CACNA2D1: variants seen among roughly 807,000 people sequenced by gnomAD.
CACNA2D1 encodes calcium voltage-gated channel auxiliary subunit alpha2delta 1.
A neutral mutation model predicts 171.5 loss-of-function variants in CACNA2D1; 53 were observed. The ratio of observed to expected loss-of-function variants is 0.31; its 90% CI spans 0.25 to 0.39. The LOEUF (loss-of-function observed/expected upper bound fraction) is 0.39. Ranked by LOEUF, CACNA2D1 falls within the 10% of genes least tolerant of loss-of-function variation. CACNA2D1 has a pLI of 1.00. For missense variants in CACNA2D1, 903 were observed against 1,299.8 expected (o/e 0.69, Z 4.69); for synonymous variants, 442 against 443.1 (o/e 1.00, Z 0.03).
intron 3 of CACNA2D1, among the ~76,000 whole-genome samples, chr7:82,199,795 A>G (rs1004868475): frequency 6.6e-6 from 1 of 152,112 alleles, no homozygotes; most frequent in Non-Finnish European, 1.5e-5. Context: ...ACTGCTATTT[A>G]TAATACCAAA....
chr7:82,055,034 AT>A (rs1407819712), intron 10 of CACNA2D1, among the ~76,000 whole-genome samples: 3 of 152,194 alleles, frequency 2.0e-5, no homozygotes, highest in African/African-American at 7.2e-5. Context: ...CTCATTTCCC[AT>A]TTTGGGAAGG....
chr7:82,437,867 T>C (rs749941323), intron 1 of CACNA2D1, among the ~76,000 whole-genome samples: 37 of 152,142 alleles, frequency 2.4e-4, no homozygotes, highest in Non-Finnish European at 3.4e-4. Flanking sequence ...CCTGTGCACA[T>C]TTGCCTTCAT....
At chr7:82,429,003 G>A (rs893579468) in intron 1 of CACNA2D1, among the ~76,000 whole-genome samples, 1 of 152,186 alleles carries the variant, frequency 6.6e-6, no homozygotes, top group Non-Finnish European at 1.5e-5. Context: ...ATGTGAAAGA[G>A]TAGGATCACA....
intron 12 of CACNA2D1, among the ~76,000 whole-genome samples, chr7:82,019,368 T>C (rs531790985): frequency 1.3e-5 from 2 of 152,296 alleles, no homozygotes; most frequent in East Asian, 3.9e-4. Context: ...GGCTTTTTCA[T>C]AGTTATAAAC....
rs1174956141 is a variant in CACNA2D1, at chr7:81,983,241, T to C, written c.1894+73A>G. The C allele has an allele frequency of 3.2e-6, 4 of 1,266,724 alleles. No homozygotes were observed. The East Asian group carries it at 7.0e-5, about 22-fold the overall frequency. 78.5% of individuals were successfully genotyped at this position (1,266,724 alleles called of 1,614,324 possible). A position where few individuals can be genotyped will look rare whatever the true frequency, so the allele number is the denominator to read the frequency against. ...GAGAAGCACAGAGGATAATATCCAA[T>C]AGGAAGGAAAATATCAGTGGAAATG... On this transcript the variant is annotated intron_variant, in intron 23 of 38. Coordinates refer to ENST00000356860, the MANE Select transcript of CACNA2D1 (RefSeq NM_000722.4).
Position 82,006,581 on chromosome 7 carries a change from T to G in CACNA2D1, c.1441-742A>C, listed in dbSNP as rs1018710296. 2.7e-4 allele frequency among the ~76,000 whole-genome samples: 41 copies of G among 152,244 alleles called. 1 individual carries two copies. Among genetic ancestry groups the G allele is most frequent in the African/African-American group, 9.6e-4 (40 of 41,578 alleles). ...AAAATCTAGTAATTACAAAAACATT[T>G]AAACCTTGTGTAGGCACAGATAGAG... On this transcript the variant is annotated intron_variant, in intron 16 of 38. Transcript: ENST00000356860.
intron 2 of CACNA2D1, chr7:82,342,944 C>T (rs1265415563): frequency 1.3e-5 from 2 of 152,160 alleles, no homozygotes; most frequent in East Asian, 3.9e-4. Context: ...CTCAGAACTT[C>T]TAGTGGCTAT....
At chr7:82,437,912 C>A (rs570476053) in intron 1 of CACNA2D1, among the ~76,000 whole-genome samples, 1 of 152,068 alleles carries the variant, frequency 6.6e-6, no homozygotes. Flanking sequence ...ATGTTTAATT[C>A]TAAATTTCAA....
At chr7:82,151,026 G>A (rs1793801268) in intron 4 of CACNA2D1, among the ~76,000 whole-genome samples, 1 of 152,104 alleles carries the variant, frequency 6.6e-6, no homozygotes, top group South Asian at 2.1e-4. Context: ...CTGATTCAGA[G>A]ATAACCTGTC....
chr7:82,168,931 C>T (rs1284482379), intron 4 of CACNA2D1, among the ~76,000 whole-genome samples: 1 of 151,988 alleles, frequency 6.6e-6, no homozygotes, highest in Non-Finnish European at 1.5e-5. Context: ...CTCCGAATTA[C>T]TGAAGATTCA....
intron 3 of CACNA2D1, among the ~76,000 whole-genome samples, chr7:82,272,802 T>C (rs370107866): frequency 6.6e-6 from 1 of 152,148 alleles, no homozygotes; most frequent in East Asian, 1.9e-4. Flanking sequence ...TCAAAAAAAA[T>C]GTGCACAGTG....
At chr7:82,300,027 C>T (rs73704211) in intron 3 of CACNA2D1, among the ~76,000 whole-genome samples, 2,192 of 152,222 alleles carry the variant, frequency 0.014, 45 homozygotes, top group African/African-American at 0.045. Flanking sequence ...TGAATCATGA[C>T]CGATCTGTGA....
At chr7:82,071,804 C>T (rs1004402734) in intron 7 of CACNA2D1, among the ~76,000 whole-genome samples, 1 of 152,248 alleles carries the variant, frequency 6.6e-6, no homozygotes, top group East Asian at 1.9e-4. Context: ...TGATCAAATT[C>T]TAGTAGATAG....
intron 3 of CACNA2D1, among the ~76,000 whole-genome samples, chr7:82,183,283 A>G (rs1425514983): frequency 1.4e-4 from 21 of 152,088 alleles, no homozygotes. Context: ...AGAGATATCC[A>G]TTATCTTACA....
chr7:82,371,098 C>G (rs969900927), intron 1 of CACNA2D1, among the ~76,000 whole-genome samples: 1 of 152,038 alleles, frequency 6.6e-6, no homozygotes, highest in Admixed American at 6.6e-5. Flanking sequence ...TAAGGGGTGT[C>G]CTCTCTAGTT....
intron 2 of CACNA2D1, among the ~76,000 whole-genome samples, chr7:82,340,194 C>T (rs866659919): frequency 3.3e-5 from 5 of 152,256 alleles, no homozygotes; most frequent in Middle Eastern, 3.4e-3. Context: ...GTGAAGAGCT[C>T]CCAGCAGAGT....
At chr7:82,041,851 A>C (rs911549611) in intron 10 of CACNA2D1, among the ~76,000 whole-genome samples, 1 of 152,182 alleles carries the variant, frequency 6.6e-6, no homozygotes, top group African/African-American at 2.4e-5. Flanking sequence ...AATTATTAGA[A>C]ATGGTTACAG....
intron 3 of CACNA2D1, among the ~76,000 whole-genome samples, chr7:82,192,447 T>G (rs944124694): frequency 1.4e-5 from 2 of 140,988 alleles, no homozygotes; most frequent in Admixed American, 7.2e-5. Context: ...TGTGTGTGTA[T>G]GTGTGTTTGT....
At chr7:82,088,648 C>A (rs567221217) in intron 6 of CACNA2D1, among the ~76,000 whole-genome samples, 1 of 151,648 alleles carries the variant, frequency 6.6e-6, no homozygotes, top group African/African-American at 2.4e-5. Context: ...ATTTTCTTTA[C>A]GAAAAAACTT....
Sources: allele counts gnomAD v4.1 joint callset (sites outside exome capture counted in the v4.1 genomes callset), GRCh38; gene constraint gnomAD v4.1.1; transcripts MANE v1.5; gene names NCBI Gene and HGNC (gene_info 2026-07-23, HGNC 2026-07-21).